JAKMIP2: variants seen among roughly 807,000 people sequenced by gnomAD.
JAKMIP2 encodes janus kinase and microtubule interacting protein 2, also known as janus kinase and microtubule-interacting protein 2.
In JAKMIP2, 25 loss-of-function variants were observed where a neutral mutation model predicts 115.0. That is an observed-to-expected ratio of 0.22 (90% CI 0.16 to 0.30). JAKMIP2 has a LOEUF of 0.30. Ranked by LOEUF, JAKMIP2 falls within the 10% of genes least tolerant of loss-of-function variation. JAKMIP2 has a pLI of 1.00. For missense variants in JAKMIP2, 642 were observed against 957.6 expected, an observed-to-expected ratio of 0.67 and a Z score of 4.35; for synonymous variants, 334 against 343.6, an observed-to-expected ratio of 0.97 and a Z score of 0.31.
At chr5:147,725,270 C>G (rs1753472758) in intron 1 of JAKMIP2, among the ~76,000 whole-genome samples, 1 of 152,206 alleles carries the variant, frequency 6.6e-6, no homozygotes, top group East Asian at 1.9e-4. Context: ...CATGAATAAT[C>G]CACCCCTTGT....
chr5:147,635,521 A>G (rs1479272400), intron 12 of JAKMIP2, among the ~76,000 whole-genome samples: 1 of 152,008 alleles, frequency 6.6e-6, no homozygotes, highest in Non-Finnish European at 1.5e-5. Flanking sequence ...ACTTCTTCTC[A>G]CAAAATAACA....
At chr5:147,687,788 C>A (rs528787236) in intron 1 of JAKMIP2, among the ~76,000 whole-genome samples, 101 of 152,288 alleles carry the variant, frequency 6.6e-4, no homozygotes, top group African/African-American at 2.3e-3. Flanking sequence ...CTATTGCAAT[C>A]TTTCTACATG....
At chr5:147,749,277 T>C (rs1754463788) in intron 1 of JAKMIP2, among the ~76,000 whole-genome samples, 1 of 152,192 alleles carries the variant, frequency 6.6e-6, no homozygotes, top group African/African-American at 2.4e-5. Context: ...ATATTTACTA[T>C]GTGCCAGGCA....
intron 1 of JAKMIP2, among the ~76,000 whole-genome samples, chr5:147,672,553 G>A (rs562385333): frequency 5.3e-5 from 8 of 151,762 alleles, no homozygotes; most frequent in African/African-American, 1.9e-4. Context: ...CCTTCCAATG[G>A]GAAAAAATTT....
At chr5:147,771,173 T>A (rs1755339266) in intron 1 of JAKMIP2, among the ~76,000 whole-genome samples, 1 of 152,266 alleles carries the variant, frequency 6.6e-6, no homozygotes, top group Non-Finnish European at 1.5e-5. Flanking sequence ...GGGAAAGTAG[T>A]TTAGCTTATT....
At chr5:147,607,084 G>A (rs186678054) in intron 20 of JAKMIP2, among the ~76,000 whole-genome samples, 9 of 152,288 alleles carry the variant, frequency 5.9e-5, no homozygotes, top group Admixed American at 3.9e-4. Flanking sequence ...CTGAGACAAT[G>A]GGGTTTTCTA....
chr5:147,607,076 G>C (rs1286445543), intron 20 of JAKMIP2, among the ~76,000 whole-genome samples: 2 of 152,192 alleles, frequency 1.3e-5, no homozygotes, highest in Non-Finnish European at 2.9e-5. Context: ...TTTTTGGGCT[G>C]AGACAATGGG....
intron 18 of JAKMIP2, among the ~76,000 whole-genome samples, chr5:147,620,152 T>C (rs1481586478): frequency 6.6e-6 from 1 of 152,210 alleles, no homozygotes; most frequent in Admixed American, 6.5e-5. Flanking sequence ...TGGAGTACAG[T>C]GGCACGATCA....
At chr5:147,707,298 A>G (rs1408769754) in intron 1 of JAKMIP2, among the ~76,000 whole-genome samples, 1 of 152,192 alleles carries the variant, frequency 6.6e-6, no homozygotes, top group Non-Finnish European at 1.5e-5. Flanking sequence ...ACTTAACGTT[A>G]CTTAATTCAT....
chr5:147,617,794 C>A, intron 19 of JAKMIP2, 117 bp downstream of exon 19: 1 of 715,642 alleles, frequency 1.4e-6, no homozygotes, highest in Non-Finnish European at 2.4e-6. Flanking sequence ...ATTTTACTCT[C>A]TGAAAATAAC....
rs1421008088 is a variant in JAKMIP2 at position 147,590,465 on chromosome 5, A to G, written c.*1242T>C. ...GTCAGTAACATAATGTTATTTCCAT[A>G]TAAAAAAGTAGAGCTATCTTGTTGC... On this transcript the variant is annotated 3_prime_UTR_variant, in exon 22 of 22. Transcript: ENST00000616793. 3 of 152,324 alleles carry G rather than the reference A, an allele frequency of 2.0e-5. No homozygotes were observed. In the South Asian group the frequency reaches 6.2e-4, roughly 32 times the overall value. The allele number at this position is 152,324 out of a possible 1,614,324, so 9.4% of individuals were successfully genotyped here. A position where few individuals can be genotyped will look rare whatever the true frequency, so the allele number is the denominator to read the frequency against.
rs1395538089 is a variant in JAKMIP2, at chr5:147,637,371, C to T, written c.1531-323G>A. 2.6e-5 allele frequency among the ~76,000 whole-genome samples: 4 copies of T among 151,344 alleles called. 1 individual carries two copies. Among genetic ancestry groups the T allele is most frequent in the South Asian group, 4.2e-4 (2 of 4,794 alleles). ...ATATGCCTTGTAACTCTCCACTCTTCTCTTTATTTGAATGATTTCTCTTTC... is the reference window on the plus strand; with the variant it reads ...ATATGCCTTGTAACTCTCCACTCTTTTCTTTATTTGAATGATTTCTCTTTC... On this transcript the variant is annotated intron_variant, in intron 10 of 21. Coordinates refer to ENST00000616793, the MANE Select transcript of JAKMIP2 (RefSeq NM_001270941.2).
At chr5:147,752,296 A>G (rs1262329649) in intron 1 of JAKMIP2, among the ~76,000 whole-genome samples, 1 of 152,222 alleles carries the variant, frequency 6.6e-6, no homozygotes. Flanking sequence ...TGGATCAACT[A>G]GGCCATGCAG....
At chr5:147,652,514 C>T (rs1353394428) in intron 3 of JAKMIP2, among the ~76,000 whole-genome samples, 1 of 152,102 alleles carries the variant, frequency 6.6e-6, no homozygotes, top group Non-Finnish European at 1.5e-5. Context: ...GACAGAACAA[C>T]TCCCATTTCT....
At position 147,589,963 on chromosome 5, in the gene JAKMIP2, T is replaced by C. The variant is rs1209413828; in HGVS notation, c.*1744A>G. Reference sequence around the variant, plus strand: ...GCACCTCTTGTTCTAAAATTGCAAATAAAACTTTATGAAAAAGCATTTTAA... The same window carrying C: ...GCACCTCTTGTTCTAAAATTGCAAACAAAACTTTATGAAAAAGCATTTTAA... On this transcript the variant is annotated 3_prime_UTR_variant, in exon 22 of 22. Coordinates refer to ENST00000616793, the MANE Select transcript of JAKMIP2 (RefSeq NM_001270941.2). 1 of 152,154 alleles carries C rather than the reference T, an allele frequency of 6.6e-6. No homozygotes were observed. Among genetic ancestry groups the C allele is most frequent in the African/African-American group, 2.4e-5 (1 of 41,436 alleles). The allele number at this position is 152,154 out of a possible 1,614,324, so 9.4% of individuals were successfully genotyped here.
chr5:147,672,024 T>TGG, intron 1 of JAKMIP2, 70 bp from the exon 2 acceptor site: 1 of 1,110,070 alleles, frequency 9.0e-7, no homozygotes, highest in Non-Finnish European at 1.1e-6. Flanking sequence ...CAGTCTACTC[T>TGG]CAGCCTGAGT....
At chr5:147,596,528 G>A (rs1158774276) in intron 21 of JAKMIP2, among the ~76,000 whole-genome samples, 1 of 152,180 alleles carries the variant, frequency 6.6e-6, no homozygotes, top group Non-Finnish European at 1.5e-5. Flanking sequence ...TCTATTCATG[G>A]TTCTGATCTA....
At chr5:147,710,499 G>C (rs555341052) in intron 1 of JAKMIP2, among the ~76,000 whole-genome samples, 1 of 152,130 alleles carries the variant, frequency 6.6e-6, no homozygotes, top group Non-Finnish European at 1.5e-5. Context: ...TGGGCTTTAC[G>C]ACTTACTAGC....
intron 1 of JAKMIP2, among the ~76,000 whole-genome samples, chr5:147,685,318 T>G (rs17107181): frequency 0.11 from 16,516 of 152,226 alleles, 942 homozygotes; most frequent in Middle Eastern, 0.17. Context: ...GTAACATCAA[T>G]GAACTCAGTA....
Sources: allele counts gnomAD v4.1 joint callset (sites outside exome capture counted in the v4.1 genomes callset), GRCh38; gene constraint gnomAD v4.1.1; transcripts MANE v1.5; gene names NCBI Gene and HGNC (gene_info 2026-07-23, HGNC 2026-07-21).